Variants in ANXA8 observed in about 807,000 individuals in gnomAD.
ANXA8 encodes the protein annexin A8.
ANXA8 carries 9 observed loss-of-function variants against 26.8 expected under a neutral mutation model. That is an observed-to-expected ratio of 0.34 (90% CI 0.20 to 0.59). The LOEUF (loss-of-function observed/expected upper bound fraction) is 0.59. Ranked by LOEUF, ANXA8 falls within the 20% of genes least tolerant of loss-of-function variation. The pLI is 0.84. For missense variants in ANXA8, 83 were observed against 238.5 expected (o/e 0.35, Z 4.29); for synonymous variants, 39 against 94.8 (o/e 0.41, Z 3.42).
At chr10:47,756,818 C>T in the ANXA8 span, among the ~76,000 whole-genome samples, 10 of 141,322 alleles carry the variant, frequency 7.1e-5, no homozygotes, top group East Asian at 1.8e-3. Flanking sequence ...GAGTCGGGGG[C>T]TCTTCCCCTG....
the ANXA8 span, among the ~76,000 whole-genome samples, chr10:47,684,427 G>C: frequency 1.8e-3 from 277 of 151,476 alleles, 1 homozygote; most frequent in East Asian, 0.018. Flanking sequence ...TTTTTTTGGG[G>C]GGGGGGTGAG....
chr10:47,674,764 T>C, the ANXA8 span, among the ~76,000 whole-genome samples: 140 of 151,924 alleles, frequency 9.2e-4, 2 homozygotes, highest in East Asian at 0.011. Flanking sequence ...CTTATGGATA[T>C]TTTATACCTT....
the ANXA8 span, among the ~76,000 whole-genome samples, chr10:47,744,193 A>G: frequency 2.7e-5 from 4 of 148,422 alleles, no homozygotes; most frequent in Non-Finnish European, 6.0e-5. Flanking sequence ...GGGGCCCCCA[A>G]CAGACCCTAC....
chr10:47,978,928 T>G, the ANXA8 span, among the ~76,000 whole-genome samples: 1 of 146,852 alleles, frequency 6.8e-6, no homozygotes, highest in Admixed American at 6.9e-5. Flanking sequence ...ATAAGAGACA[T>G]ACTTTACATT....
the ANXA8 span, among the ~76,000 whole-genome samples, chr10:47,659,120 C>T: frequency 3.9e-5 from 6 of 151,968 alleles, no homozygotes; most frequent in East Asian, 1.2e-3. Flanking sequence ...ATCTGCCTGC[C>T]TAGGCCTCCC....
the ANXA8 span, among the ~76,000 whole-genome samples, chr10:47,597,481 A>G: frequency 6.9e-6 from 1 of 145,766 alleles, no homozygotes; most frequent in African/African-American, 2.7e-5. Context: ...TTCTTCACTG[A>G]TGATAGGATT....
At chr10:47,669,678 G>A in the ANXA8 span, among the ~76,000 whole-genome samples, 1 of 151,656 alleles carries the variant, frequency 6.6e-6, no homozygotes, top group African/African-American at 2.4e-5. Flanking sequence ...TCATGTCACT[G>A]TACTCCATCC....
the ANXA8 span, among the ~76,000 whole-genome samples, chr10:47,659,690 AAAG>A: frequency 2.7e-5 from 4 of 150,296 alleles, no homozygotes; most frequent in Admixed American, 1.3e-4. Flanking sequence ...AAAAAAAAAA[AAAG>A]AGTGTTTTAG....
the ANXA8 span, among the ~76,000 whole-genome samples, chr10:47,575,154 A>G: frequency 7.7e-6 from 1 of 130,480 alleles, no homozygotes; most frequent in Non-Finnish European, 1.6e-5. Context: ...CATTGAGCTG[A>G]GATTGTGCCA....
the ANXA8 span, among the ~76,000 whole-genome samples, chr10:47,497,319 C>CAAAA: frequency 1.1e-5 from 1 of 94,282 alleles, no homozygotes; most frequent in Non-Finnish European, 2.1e-5. Context: ...AAGTCCATCA[C>CAAAA]AAAAAAAAAA....
At chr10:47,721,762 T>G in the ANXA8 span, among the ~76,000 whole-genome samples, 1 of 113,516 alleles carries the variant, frequency 8.8e-6, no homozygotes, top group Admixed American at 9.1e-5. Flanking sequence ...ACTCCTGACC[T>G]CAGGTGATCC....
At chr10:47,501,810 A>G in the ANXA8 span, 3 of 509,038 alleles carry the variant, frequency 5.9e-6, no homozygotes, top group Non-Finnish European at 1.0e-5. Flanking sequence ...CACACATTTT[A>G]TCTAAATACA....
the ANXA8 span, among the ~76,000 whole-genome samples, chr10:47,628,330 G>A: frequency 6.6e-6 from 1 of 152,024 alleles, no homozygotes; most frequent in Admixed American, 6.5e-5. Context: ...AATATGAATG[G>A]TACTACATAC....
chr10:47,986,410 T>C, the ANXA8 span: 1 of 210,786 alleles, frequency 4.7e-6, no homozygotes, highest in Non-Finnish European at 9.7e-6. Flanking sequence ...TTTTATGTTT[T>C]ATGCATATTT....
chr10:47,557,987 C>T, the ANXA8 span, among the ~76,000 whole-genome samples: 1 of 151,928 alleles, frequency 6.6e-6, no homozygotes, highest in Non-Finnish European at 1.5e-5. Flanking sequence ...TTAGCATGCA[C>T]TGCTCATTAG....
At chr10:47,957,946 C>G in the ANXA8 span, among the ~76,000 whole-genome samples, 2 of 150,500 alleles carry the variant, frequency 1.3e-5, no homozygotes, top group East Asian at 4.0e-4. Context: ...TTAAAAATGG[C>G]AAAGTCAGGA....
upstream of ANXA8, among the ~76,000 whole-genome samples, chr10:47,488,713 ATTTTTTT>A (rs1160121365): frequency 1.6e-4 from 10 of 62,114 alleles, no homozygotes; most frequent in African/African-American, 2.8e-4. Context: ...TACATGTTAA[ATTTTTTT>A]TTTTTTTTTT....
At chr10:47,777,782 C>G in the ANXA8 span, among the ~76,000 whole-genome samples, 5 of 151,866 alleles carry the variant, frequency 3.3e-5, no homozygotes, top group African/African-American at 9.7e-5. Context: ...TAGGGCTATA[C>G]AGCTTAAACA....
chr10:47,510,829 C>CAAA, the ANXA8 span, among the ~76,000 whole-genome samples: 2 of 27,318 alleles, frequency 7.3e-5, no homozygotes, highest in Non-Finnish European at 1.3e-4. Flanking sequence ...GACTCCGTCT[C>CAAA]AAAAAAAAAA....
Sources: allele counts gnomAD v4.1 joint callset (sites outside exome capture counted in the v4.1 genomes callset), GRCh38; gene constraint gnomAD v4.1.1; transcripts MANE v1.5; gene names NCBI Gene and HGNC (gene_info 2026-07-23, HGNC 2026-07-21).